The following FBN2 variants were observed in gnomAD, a reference collection of about 807,000 sequenced individuals.
FBN2 encodes fibrillin 2, also known as fibrillin-2.
FBN2 carries 105 observed loss-of-function variants against 355.6 expected under a neutral mutation model. The ratio of observed to expected loss-of-function variants is 0.30; its 90% confidence interval spans 0.25 to 0.35. The LOEUF (loss-of-function observed/expected upper bound fraction) is 0.35. FBN2 is among the 10% of genes least tolerant of loss of function. The probability of loss-of-function intolerance (pLI) is 1.00; values close to 1 mark genes in which losing one functional copy is unlikely to be tolerated. For synonymous variants in FBN2, 1,350 were observed against 1,301.2 expected (o/e 1.04, Z -0.81); for missense variants, 3,280 against 3,758.7 (o/e 0.87, Z 3.33).
At chr5:128,294,689 G>GT (rs767149935) in intron 48 of FBN2, among the ~76,000 whole-genome samples, 1 of 148,480 alleles carries the variant, frequency 6.7e-6, no homozygotes, top group Non-Finnish European at 1.5e-5. Context: ...GGGGTTGTTT[G>GT]TTTTTTTCTT....
chr5:128,499,573 A>C (rs941298043), intron 5 of FBN2, among the ~76,000 whole-genome samples: 32 of 152,202 alleles, frequency 2.1e-4, no homozygotes, highest in Non-Finnish European at 4.1e-4. Context: ...CACTGTATTC[A>C]GAGTACTGAA....
intron 7 of FBN2, among the ~76,000 whole-genome samples, chr5:128,433,449 CA>C: frequency 6.6e-6 from 1 of 152,206 alleles, no homozygotes; most frequent in Non-Finnish European, 1.5e-5. Flanking sequence ...ATCCTTAAAA[CA>C]GGTAAGAACA....
At position 128,334,780 on chromosome 5, in the gene FBN2, T is replaced by A; in HGVS notation, c.4038A>T (p.Gly1346=). 6.2e-7 allele frequency: 1 copy of A among 1,613,492 alleles called. No individual in the cohort carries two copies. Among genetic ancestry groups the A allele is most frequent in the Non-Finnish European group, 8.5e-7 (1 of 1,179,400 alleles). Residue 1346 remains glycine, a synonymous_variant, in exon 31 of 65, where the codon GGA becomes GGT. Transcript: ENST00000262464. ...CMFGECENTK[G]SFICHCQLGY... ...CCAGCTGACAGTGGCAAATGAAGGA[T>A]CCCTTTGTGTTCTCACATTCCCCAA...
At chr5:128,289,058 G>C (rs1749243272) in intron 52 of FBN2, 69 bp downstream of exon 52, 2 of 1,541,284 alleles carry the variant, frequency 1.3e-6, no homozygotes, top group Non-Finnish European at 9.0e-7. Flanking sequence ...GGGTACCTGA[G>C]AGACCTTTTA....
At chr5:128,406,833 A>C (rs746148973) in intron 8 of FBN2, among the ~76,000 whole-genome samples, 1 of 152,218 alleles carries the variant, frequency 6.6e-6, no homozygotes, top group Non-Finnish European at 1.5e-5. Flanking sequence ...TGGAAAGTGA[A>C]ACCGTGGATA....
chr5:128,315,605 A>C (rs576725742), intron 36 of FBN2, among the ~76,000 whole-genome samples: 9 of 152,354 alleles, frequency 5.9e-5, no homozygotes, highest in Non-Finnish European at 1.3e-4. Flanking sequence ...AATTAGAACA[A>C]TCAATCTAAT....
chr5:128,423,006 C>T (rs1364436902), intron 7 of FBN2, among the ~76,000 whole-genome samples: 2 of 152,262 alleles, frequency 1.3e-5, no homozygotes, highest in South Asian at 4.1e-4. Context: ...TAGTTGGACT[C>T]CTTCTCCAGA....
intron 5 of FBN2, among the ~76,000 whole-genome samples, chr5:128,486,397 C>G (rs905533415): frequency 1.3e-5 from 2 of 152,136 alleles, no homozygotes; most frequent in African/African-American, 4.8e-5. Flanking sequence ...GCATATTAGT[C>G]ACCATTACCA....
In FBN2 at chr5:128,318,867, A is replaced by G; in HGVS notation, c.4594+12T>C. 6.2e-7 allele frequency: 1 copy of G among 1,611,496 alleles called. No individual in the cohort carries two copies. Among genetic ancestry groups the G allele is most frequent in the Non-Finnish European group, 8.5e-7 (1 of 1,178,026 alleles). On this transcript the variant is annotated intron_variant, in intron 35 of 64. Transcript: ENST00000262464. Reference sequence around the variant, plus strand: ...TGAATCAGAACACAACTTAGCTGGTAACTGACCATACCTGTACAGTTCCCT... The same window carrying G: ...TGAATCAGAACACAACTTAGCTGGTGACTGACCATACCTGTACAGTTCCCT...
chr5:128,377,717 A>G, intron 13 of FBN2, 35 bp downstream of exon 13: 1 of 1,609,012 alleles, frequency 6.2e-7, no homozygotes, highest in Non-Finnish European at 8.5e-7. Context: ...ATATCCTTTT[A>G]AAATCTTTTG....
chr5:128,346,398 G>A (rs1274314407), intron 23 of FBN2, among the ~76,000 whole-genome samples: 1 of 152,140 alleles, frequency 6.6e-6, no homozygotes, highest in Non-Finnish European at 1.5e-5. Context: ...TAATCAAATA[G>A]CATGATTTCT....
At chr5:128,274,283 T>C (rs1382819346) in intron 60 of FBN2, among the ~76,000 whole-genome samples, 2 of 152,208 alleles carry the variant, frequency 1.3e-5, no homozygotes, top group Non-Finnish European at 2.9e-5. Flanking sequence ...GAGCCTTTAA[T>C]CATATTTTGT....
At position 128,335,503 on chromosome 5, in the gene FBN2, T is replaced by G; in HGVS notation, c.3799A>C (p.Ser1267Arg). Residue 1267 changes from serine to arginine, a missense_variant, in exon 29 of 65, where the codon AGC becomes CGC. Transcript: ENST00000262464. ...ATCAGGGCATAACCCTCACTGCAGC[T>G]GCATTCGTAGCTTCCCTCTGAATTT... ...CTNSEGSYEC[S>R]CSEGYALMPD... 6.2e-7 allele frequency: 1 copy of G among 1,614,118 alleles called. No homozygotes were observed. The highest frequency in any genetic ancestry group is 8.5e-7 in the Non-Finnish European group (1 of 1,179,934).
chr5:128,310,195 G>A (rs543586018), intron 39 of FBN2, 87 bp from the exon 40 acceptor site: 11 of 1,170,618 alleles, frequency 9.4e-6, no homozygotes, highest in Non-Finnish European at 1.4e-5. Flanking sequence ...AAGCATAGGT[G>A]ATTCTCTAAA....
At chr5:128,416,865 T>C (rs997025740) in intron 7 of FBN2, among the ~76,000 whole-genome samples, 13 of 152,200 alleles carry the variant, frequency 8.5e-5, no homozygotes, top group African/African-American at 3.1e-4. Context: ...AATTTTAGGA[T>C]TGTTTTTTCT....
chr5:128,350,533 G>C (rs948060540), intron 21 of FBN2, among the ~76,000 whole-genome samples: 5 of 152,182 alleles, frequency 3.3e-5, no homozygotes, highest in Non-Finnish European at 7.3e-5. Flanking sequence ...CCTGGTGACA[G>C]AGCGAGACTC....
intron 58 of FBN2, among the ~76,000 whole-genome samples, chr5:128,277,368 G>A (rs908783582): frequency 5.3e-5 from 8 of 152,074 alleles, no homozygotes; most frequent in Admixed American, 2.6e-4. Flanking sequence ...AGACTGCTCC[G>A]CAGCTGGAAA....
At chr5:128,434,618 T>C (rs1040868436) in intron 7 of FBN2, among the ~76,000 whole-genome samples, 1 of 151,498 alleles carries the variant, frequency 6.6e-6, no homozygotes, top group Non-Finnish European at 1.5e-5. Context: ...CCTACCCTTC[T>C]TCCCTGTCCC....
chr5:128,351,346 A>G (rs1751358105), intron 20 of FBN2, among the ~76,000 whole-genome samples: 1 of 152,200 alleles, frequency 6.6e-6, no homozygotes, highest in African/African-American at 2.4e-5. Flanking sequence ...CAGAAGTTCA[A>G]GACCAGCCTG....
Sources: allele counts gnomAD v4.1 joint callset (sites outside exome capture counted in the v4.1 genomes callset), GRCh38; gene constraint gnomAD v4.1.1; transcripts MANE v1.5; gene names NCBI Gene and HGNC (gene_info 2026-07-23, HGNC 2026-07-21).